The following ZNF566 variants were observed in gnomAD, a reference collection of about 807,000 sequenced individuals.
ZNF566 encodes zinc finger protein 566.
A neutral mutation model predicts 32.8 loss-of-function variants in ZNF566; 27 were observed. That is an observed-to-expected ratio of 0.82 (90% confidence interval 0.61 to 1.14). The LOEUF (loss-of-function observed/expected upper bound fraction) is 1.14, where lower values mean the gene tolerates loss of function less well. Ranked by LOEUF, ZNF566 falls within the 50% of genes most tolerant of loss-of-function variation. The pLI is 0.00. For missense variants in ZNF566, 402 were observed against 490.4 expected, an observed-to-expected ratio of 0.82 and a Z score of 1.70; for synonymous variants, 154 against 159.5, an observed-to-expected ratio of 0.97 and a Z score of 0.26.
intron 1 of ZNF566, among the ~76,000 whole-genome samples, chr19:36,479,852 G>GT (rs768045843): frequency 2.4e-4 from 37 of 151,990 alleles, no homozygotes; most frequent in Non-Finnish European, 3.8e-4. Flanking sequence ...GGTTTTAGTT[G>GT]TTTTTTTGTT....
intron 2 of ZNF566, among the ~76,000 whole-genome samples, chr19:36,474,456 G>T (rs1001838419): frequency 6.6e-6 from 1 of 152,170 alleles, no homozygotes; most frequent in Non-Finnish European, 1.5e-5. Context: ...ATTTGCAGCC[G>T]TAATAAGGTG....
intron 2 of ZNF566, among the ~76,000 whole-genome samples, chr19:36,474,125 C>T (rs1055740116): frequency 1.3e-5 from 2 of 152,004 alleles, no homozygotes; most frequent in Non-Finnish European, 2.9e-5. Context: ...ATGTGGTCCA[C>T]AAAAACGAGG....
chr19:36,471,506 G>T (rs574462304), intron 4 of ZNF566, among the ~76,000 whole-genome samples: 1 of 151,986 alleles, frequency 6.6e-6, no homozygotes, highest in Non-Finnish European at 1.5e-5. Flanking sequence ...GTGGTCCTCC[G>T]CCCAGTACAG....
chr19:36,481,271 G>GACC (rs2034022058), intron 1 of ZNF566, among the ~76,000 whole-genome samples: 1 of 151,842 alleles, frequency 6.6e-6, no homozygotes, highest in Non-Finnish European at 1.5e-5. Flanking sequence ...AGGAATTTGG[G>GACC]ACCAGCCTGG....
At position 36,448,813 on chromosome 19, in the gene ZNF566, T is replaced by G. The variant is rs895649252; in HGVS notation, c.*164A>C. On this transcript the variant is annotated 3_prime_UTR_variant, in exon 5 of 5. Transcript: ENST00000452939. ...TTAAGGGCTTCCAAAGTATATTCTA[T>G]TCATAGAGTATTTCTCCAACATTAT... 1 of 612,534 alleles carries G rather than the reference T, an allele frequency of 1.6e-6. No individual in the cohort carries two copies. Among genetic ancestry groups the G allele is most frequent in the African/African-American group, 1.9e-5 (1 of 53,526 alleles). The allele number at this position is 612,534 out of a possible 1,614,324, so 37.9% of individuals were successfully genotyped here.
intron 1 of ZNF566, among the ~76,000 whole-genome samples, chr19:36,480,114 C>T (rs1205319632): frequency 6.6e-6 from 1 of 151,712 alleles, no homozygotes; most frequent in Non-Finnish European, 1.5e-5. Context: ...TTATAATAGC[C>T]GAGATAGCTT....
At chr19:36,462,698 A>G (rs1421216644) in intron 4 of ZNF566, among the ~76,000 whole-genome samples, 1 of 151,910 alleles carries the variant, frequency 6.6e-6, no homozygotes, top group African/African-American at 2.4e-5. Flanking sequence ...ATGTATGTGC[A>G]TATACACACA....
chr19:36,486,730 A>G (rs980056414), intron 1 of ZNF566, among the ~76,000 whole-genome samples: 1 of 151,904 alleles, frequency 6.6e-6, no homozygotes, highest in East Asian at 1.9e-4. Flanking sequence ...AAAATTTACG[A>G]AGGGGAAAAT....
chr19:36,476,827 A>G (rs1309878924), intron 1 of ZNF566, among the ~76,000 whole-genome samples: 1 of 152,148 alleles, frequency 6.6e-6, no homozygotes, highest in Non-Finnish European at 1.5e-5. Flanking sequence ...CTTGGAGAAT[A>G]TATGTTTATA....
intron 4 of ZNF566, among the ~76,000 whole-genome samples, chr19:36,466,700 GAA>G (rs1289118602): frequency 6.6e-6 from 1 of 152,126 alleles, no homozygotes; most frequent in African/African-American, 2.4e-5. Flanking sequence ...ATTCAGAGTA[GAA>G]AAAGATACTT....
chr19:36,472,807 G>A, intron 4 of ZNF566, 104 bp downstream of exon 4: 1 of 869,710 alleles, frequency 1.1e-6, no homozygotes, highest in Admixed American at 2.3e-5. Context: ...TCTTACATTT[G>A]CACAACAGGC....
chr19:36,480,721 G>T (rs992783989), intron 1 of ZNF566, among the ~76,000 whole-genome samples: 1 of 151,456 alleles, frequency 6.6e-6, no homozygotes, highest in Non-Finnish European at 1.5e-5. Flanking sequence ...AGACTTAAGT[G>T]TGAATGTGAA....
chr19:36,459,911 T>G (rs538197540), intron 4 of ZNF566, among the ~76,000 whole-genome samples: 1 of 151,144 alleles, frequency 6.6e-6, no homozygotes, highest in African/African-American at 2.4e-5. Context: ...TTCCACCTCC[T>G]GGGTTCAAGA....
intron 2 of ZNF566, among the ~76,000 whole-genome samples, chr19:36,474,135 G>A (rs973439683): frequency 1.3e-5 from 2 of 151,948 alleles, no homozygotes; most frequent in African/African-American, 4.8e-5. Flanking sequence ...CAAAAACGAG[G>A]GAGTAAACAA....
chr19:36,448,675 G>A lies in ZNF566; in HGVS notation c.*302C>T, dbSNP rs74468389. 876 of 212,108 alleles carry A rather than the reference G, an allele frequency of 4.1e-3. 8 individuals are homozygous for A. The highest frequency in any genetic ancestry group is 0.017 in the African/African-American group (764 of 43,954). 13.1% of individuals were successfully genotyped at this position (212,108 alleles called of 1,614,324 possible). ...TACATTTCTACAAAAATTCTCTGACGTTAAGAAGGTTAGAAAGGTGTTAAA... is the reference window on the plus strand; with the variant it reads ...TACATTTCTACAAAAATTCTCTGACATTAAGAAGGTTAGAAAGGTGTTAAA... On this transcript the variant is annotated 3_prime_UTR_variant, in exon 5 of 5. Coordinates refer to ENST00000452939, the MANE Select transcript of ZNF566 (RefSeq NM_001145344.1).
intron 4 of ZNF566, among the ~76,000 whole-genome samples, chr19:36,461,883 C>G (rs957004434): frequency 6.6e-6 from 1 of 151,952 alleles, no homozygotes; most frequent in African/African-American, 2.4e-5. Flanking sequence ...TCTGAACTTA[C>G]ACTTTAGTTC....
At chr19:36,465,648 T>G (rs1370542525) in intron 4 of ZNF566, among the ~76,000 whole-genome samples, 1 of 152,000 alleles carries the variant, frequency 6.6e-6, no homozygotes, top group Non-Finnish European at 1.5e-5. Context: ...ATTTTTTTTG[T>G]ATTTTTAGTA....
Position 36,478,972 on chromosome 19 carries a change from T to C in ZNF566, c.-59-2356A>G, listed in dbSNP as rs543727850. Among the ~76,000 whole-genome samples, 25 of 152,266 alleles carry C rather than the reference T, an allele frequency of 1.6e-4. No homozygotes were observed. In the South Asian group the frequency reaches 5.2e-3, roughly 32 times the overall value. ...CTGTCCCCATGGGAGCTGAGAGAAA[T>C]AGGAACTGATGAACACTGATGCCTA... On this transcript the variant is annotated intron_variant, in intron 1 of 4. Coordinates refer to ENST00000452939, the MANE Select transcript of ZNF566 (RefSeq NM_001145344.1).
At chr19:36,462,519 A>G (rs901236459) in intron 4 of ZNF566, among the ~76,000 whole-genome samples, 7 of 152,030 alleles carry the variant, frequency 4.6e-5, no homozygotes, top group Non-Finnish European at 8.8e-5. Context: ...CAACTCTAAC[A>G]GGAAAAGAAG....
Sources: gnomAD v4.1 joint callset for allele counts (sites outside exome capture counted in the v4.1 genomes callset) on GRCh38, gnomAD v4.1.1 for gene constraint, MANE v1.5 for transcripts, NCBI Gene and HGNC (gene_info 2026-07-23, HGNC 2026-07-21) for gene names.